The following FBL variants were observed in gnomAD, a reference collection of about 807,000 sequenced individuals.
FBL encodes rRNA 2'-O-methyltransferase fibrillarin.
A neutral mutation model predicts 42.2 loss-of-function variants in FBL; 10 were observed. That is an observed-to-expected ratio of 0.24 (90% CI 0.15 to 0.40). FBL has a LOEUF of 0.40. FBL is among the 10% of genes least tolerant of loss of function. The pLI is 1.00. For missense variants in FBL, 351 were observed against 439.2 expected, an observed-to-expected ratio of 0.80 and a Z score of 1.79; for synonymous variants, 165 against 165.4, an observed-to-expected ratio of 1.00 and a Z score of 0.02.
At position 39,839,082 on chromosome 19, in the gene FBL, C is replaced by G. The variant is rs750247570; in HGVS notation, c.502G>C (p.Ala168Pro). The G allele has an allele frequency of 1.9e-5, 30 of 1,613,932 alleles. No individual in the cohort carries two copies. Among genetic ancestry groups the G allele is most frequent in the Non-Finnish European group, 2.4e-5 (28 of 1,179,954 alleles). Residue 168 changes from alanine to proline, a missense_variant, in exon 5 of 9, where the codon GCT (alanine) becomes CCT (proline). By Grantham distance (27) the Ala-to-Pro change is conservative (BLOSUM62 -1). Coordinates refer to ENST00000221801, the MANE Select transcript of FBL (RefSeq NM_001436.4). ...TGGGAGACCGTGGTGCCCGAGGCAG[C>G]CCCGAGGTAGAGAACCTTAGCCCCC... is the stretch of plus-strand genomic sequence containing the variant. ...KPGAKVLYLG[A>P]ASGTTVSHVS...
In FBL at chr19:39,846,334, C is replaced by A; in HGVS notation, c.-34G>T. On this transcript the variant is annotated 5_prime_UTR_variant, in exon 1 of 9. Transcript: ENST00000221801. ...CTGGTTTGTGCGGCTCCGGAGTCCGCGGCGTTCACAACTCCACGAGTCCGG... is the reference window on the plus strand; with the variant it reads ...CTGGTTTGTGCGGCTCCGGAGTCCGAGGCGTTCACAACTCCACGAGTCCGG... 6.2e-7 allele frequency: 1 copy of A among 1,612,366 alleles called. No homozygotes were observed. The highest frequency in any genetic ancestry group is 1.1e-5 in the South Asian group (1 of 90,844).
chr19:39,835,434 G>A (rs548997778), intron 7 of FBL, among the ~76,000 whole-genome samples: 4 of 152,054 alleles, frequency 2.6e-5, no homozygotes, highest in South Asian at 2.1e-4. Flanking sequence ...CAGGAGAATC[G>A]CTTGAACCCA....
intron 7 of FBL, among the ~76,000 whole-genome samples, chr19:39,836,141 G>A (rs1487858999): frequency 1.3e-5 from 2 of 151,714 alleles, no homozygotes; most frequent in Non-Finnish European, 2.9e-5. Context: ...TGTGAAGGGT[G>A]CATGGGAGAG....
intron 7 of FBL, among the ~76,000 whole-genome samples, chr19:39,835,754 C>T (rs893347629): frequency 3.3e-5 from 5 of 151,622 alleles, no homozygotes; most frequent in East Asian, 2.0e-4. Context: ...GGCAAAACCC[C>T]GTCTCCACTA....
chr19:39,837,483 G>A (rs964359817), intron 6 of FBL, among the ~76,000 whole-genome samples: 2 of 152,152 alleles, frequency 1.3e-5, no homozygotes, highest in Non-Finnish European at 1.5e-5. Flanking sequence ...AGATGGGGAG[G>A]AGACTGAAGG....
chr19:39,845,407 G>C (rs1969244038), intron 1 of FBL, among the ~76,000 whole-genome samples: 1 of 152,132 alleles, frequency 6.6e-6, no homozygotes, highest in African/African-American at 2.4e-5. Context: ...TTTTATTGAT[G>C]AGAAAACAGA....
chr19:39,845,516 C>T (rs1774766684), intron 1 of FBL, among the ~76,000 whole-genome samples: 1 of 152,162 alleles, frequency 6.6e-6, no homozygotes, highest in Non-Finnish European at 1.5e-5. Context: ...GCTGTCAAAG[C>T]CAGGACCCCC....
chr19:39,837,011 AAGAGT>A (rs1450404260), intron 6 of FBL, among the ~76,000 whole-genome samples: 3 of 152,238 alleles, frequency 2.0e-5, no homozygotes, highest in Non-Finnish European at 2.9e-5. Context: ...AAAGACAAGT[AAGAGT>A]GAGTGAGCAC....
chr19:39,846,321 G>A lies in FBL; in HGVS notation c.-21C>T. On this transcript the variant is annotated 5_prime_UTR_variant, in exon 1 of 9. Coordinates refer to ENST00000221801, the MANE Select transcript of FBL (RefSeq NM_001436.4). ...TTCATGGCGAGCCCTGGTTTGTGCG[G>A]CTCCGGAGTCCGCGGCGTTCACAAC... 1.2e-6 allele frequency: 2 copies of A among 1,613,032 alleles called. No individual in the cohort carries two copies. The highest frequency in any genetic ancestry group is 8.5e-7 in the Non-Finnish European group (1 of 1,179,542).
intron 1 of FBL, among the ~76,000 whole-genome samples, chr19:39,845,259 G>A (rs948286648): frequency 7.9e-6 from 1 of 126,764 alleles, no homozygotes; most frequent in African/African-American, 3.0e-5. Context: ...CCAGATGGAG[G>A]AAGTGCTCAG....
chr19:39,845,182 G>A (rs1969237474), intron 1 of FBL, among the ~76,000 whole-genome samples: 1 of 152,112 alleles, frequency 6.6e-6, no homozygotes, highest in African/African-American at 2.4e-5. Flanking sequence ...GACCCTTTGG[G>A]CCATGGTGGA....
intron 1 of FBL, among the ~76,000 whole-genome samples, chr19:39,843,960 T>A (rs1489317433): frequency 6.6e-6 from 1 of 152,172 alleles, no homozygotes; most frequent in African/African-American, 2.4e-5. Flanking sequence ...AAAAAACACA[T>A]GTTCACACAA....
intron 5 of FBL, 172 bp downstream of exon 5, chr19:39,838,863 G>T: frequency 1.6e-6 from 1 of 623,988 alleles, no homozygotes; most frequent in South Asian, 2.1e-5. Flanking sequence ...CAGGAGTGAG[G>T]TTGAATGACA....
chr19:39,837,236 T>G (rs576668631), intron 6 of FBL, among the ~76,000 whole-genome samples: 2 of 152,330 alleles, frequency 1.3e-5, no homozygotes, highest in South Asian at 4.1e-4. Flanking sequence ...GACATCAAAT[T>G]GTTCTCATCA....
In FBL at chr19:39,834,827, A is replaced by C; in HGVS notation, c.796-14T>G. ...AATGCAGTTGGCCTAAAGAGGAGAA[A>C]GGACTAATGTCTACAACAGGGCTTT... On this transcript the variant is annotated splice_polypyrimidine_tract_variant and intron_variant, in intron 7 of 8. Coordinates refer to ENST00000221801, the MANE Select transcript of FBL (RefSeq NM_001436.4). The C allele has an allele frequency of 6.2e-7, 1 of 1,614,162 alleles. No individual in the cohort carries two copies. The highest frequency in any genetic ancestry group is 8.5e-7 in the Non-Finnish European group (1 of 1,179,994).
At chr19:39,841,737 AAAG>A (rs1286899109) in intron 1 of FBL, among the ~76,000 whole-genome samples, 3 of 152,250 alleles carry the variant, frequency 2.0e-5, no homozygotes, top group Non-Finnish European at 1.5e-5. Context: ...TTCCAAGCTT[AAAG>A]AAGTCCCTCT....
chr19:39,839,066 G>A lies in FBL; in HGVS notation c.518C>T (p.Thr173Met), dbSNP rs977880624. Residue 173 changes from threonine (T) to methionine (M), a missense_variant, in exon 5 of 9, where the codon ACG (threonine) becomes ATG (methionine). Coordinates refer to ENST00000221801, the MANE Select transcript of FBL (RefSeq NM_001436.4). ...VLYLGAASGT[T>M]VSHVSDIVGP... ...AACGATGTCAGAGACATGGGAGACC[G>A]TGGTGCCCGAGGCAGCCCCGAGGTA... 5.6e-6 allele frequency: 9 copies of A among 1,613,738 alleles called. No homozygotes were observed. The highest frequency in any genetic ancestry group is 7.6e-6 in the Non-Finnish European group (9 of 1,179,852).
intron 1 of FBL, among the ~76,000 whole-genome samples, chr19:39,842,324 G>A (rs527289324): frequency 1.9e-4 from 29 of 152,230 alleles, no homozygotes; most frequent in Admixed American, 1.0e-3. Flanking sequence ...CTGACCTCTT[G>A]ATCCGCCCGC....
At chr19:39,842,585 T>C (rs1167566948) in intron 1 of FBL, among the ~76,000 whole-genome samples, 1 of 152,190 alleles carries the variant, frequency 6.6e-6, no homozygotes, top group Admixed American at 6.5e-5. Context: ...TACAGTCCAC[T>C]TTTCACACAG....
Sources: gnomAD v4.1 joint callset for allele counts (sites outside exome capture counted in the v4.1 genomes callset) on GRCh38, gnomAD v4.1.1 for gene constraint, MANE v1.5 for transcripts, NCBI Gene and HGNC (gene_info 2026-07-23, HGNC 2026-07-21) for gene names.